TIAM1: variants seen among roughly 807,000 people sequenced by gnomAD.
TIAM1 encodes rho guanine nucleotide exchange factor TIAM1.
Under a neutral mutation model 163.5 loss-of-function variants are expected in TIAM1, and 65 were observed. The ratio of observed to expected loss-of-function variants is 0.40; its 90% CI spans 0.33 to 0.49. TIAM1 has a LOEUF of 0.49. TIAM1 is among the 20% of genes least tolerant of loss of function. The pLI is 0.77. For missense variants in TIAM1, 1,789 were observed against 2,044.7 expected (o/e 0.87, Z 2.41); for synonymous variants, 833 against 810.1 (o/e 1.03, Z -0.48).
chr21:31,220,642 A>C (rs2087505120), intron 8 of TIAM1, among the ~76,000 whole-genome samples: 1 of 152,232 alleles, frequency 6.6e-6, no homozygotes, highest in East Asian at 1.9e-4. Flanking sequence ...CACTTTACTT[A>C]AGTTTCTTAT....
At chr21:31,547,096 G>C (rs2048524647) in intron 1 of TIAM1, among the ~76,000 whole-genome samples, 1 of 152,182 alleles carries the variant, frequency 6.6e-6, no homozygotes, top group South Asian at 2.1e-4. Context: ...CACAGGCTGA[G>C]AAGACATGGA....
At chr21:31,325,912 T>G (rs1343274761) in intron 2 of TIAM1, among the ~76,000 whole-genome samples, 2 of 152,184 alleles carry the variant, frequency 1.3e-5, no homozygotes, top group African/African-American at 4.8e-5. Flanking sequence ...GTAGATATAC[T>G]ACACACTGGC....
chr21:31,317,798 C>A (rs1452893985), intron 2 of TIAM1, among the ~76,000 whole-genome samples: 1 of 152,144 alleles, frequency 6.6e-6, no homozygotes, highest in Admixed American at 6.5e-5. Context: ...CCCCAAAAAA[C>A]AAACAAACAA....
chr21:31,541,127 T>C (rs1295743164), intron 1 of TIAM1, among the ~76,000 whole-genome samples: 2 of 152,230 alleles, frequency 1.3e-5, no homozygotes, highest in African/African-American at 2.4e-5. Flanking sequence ...CTGAGAAAAG[T>C]ATGTTTAGAA....
chr21:31,259,862 G>A lies in TIAM1; in HGVS notation c.963+6148C>T, dbSNP rs1304337649. The stretch of plus-strand genomic sequence containing the variant: ...TAGGTATGAGACGCTAGTGTCTTCT[G>A]TTAAGCTAGAAATCATAGAGATCTG... On this transcript the variant is annotated intron_variant, in intron 4 of 27. Coordinates refer to ENST00000541036, the MANE Select transcript of TIAM1 (RefSeq NM_001353694.2). Among the ~76,000 whole-genome samples the A allele has an allele frequency of 1.3e-5, 2 of 151,898 alleles. 1 individual carries two copies. The highest frequency in any genetic ancestry group is 1.3e-4 in the Admixed American group (2 of 15,254).
intron 2 of TIAM1, among the ~76,000 whole-genome samples, chr21:31,328,241 A>G (rs1290645938): frequency 6.6e-6 from 1 of 152,196 alleles, no homozygotes; most frequent in East Asian, 1.9e-4. Context: ...TACATGTTGT[A>G]ACTACAGTCG....
At chr21:31,415,143 G>A (rs2043327573) in intron 2 of TIAM1, among the ~76,000 whole-genome samples, 1 of 152,132 alleles carries the variant, frequency 6.6e-6, no homozygotes, top group Admixed American at 6.5e-5. Flanking sequence ...GCTATAGAAT[G>A]TCTTCTTACC....
intron 2 of TIAM1, among the ~76,000 whole-genome samples, chr21:31,298,046 C>G (rs960196477): frequency 2.0e-5 from 3 of 152,134 alleles, no homozygotes; most frequent in Non-Finnish European, 2.9e-5. Flanking sequence ...TCACAGCCAC[C>G]TGGGTGGGGG....
At chr21:31,385,439 G>A (rs1316445741) in intron 2 of TIAM1, among the ~76,000 whole-genome samples, 1 of 152,040 alleles carries the variant, frequency 6.6e-6, no homozygotes, top group Admixed American at 6.6e-5. Context: ...AGAAGGGTGG[G>A]GTCAAGGGTC....
intron 6 of TIAM1, among the ~76,000 whole-genome samples, chr21:31,231,906 G>A (rs1188549003): frequency 6.6e-6 from 1 of 151,950 alleles, no homozygotes; most frequent in Middle Eastern, 3.2e-3. Context: ...CTAGCTACTC[G>A]GGAGGCTGAG....
intron 2 of TIAM1, among the ~76,000 whole-genome samples, chr21:31,434,607 A>C (rs2044149484): frequency 6.6e-6 from 1 of 152,270 alleles, no homozygotes; most frequent in Admixed American, 6.5e-5. Flanking sequence ...ACATGCTCTT[A>C]TAATGAATTT....
chr21:31,402,991 T>A (rs16988223), intron 2 of TIAM1, among the ~76,000 whole-genome samples: 9,344 of 152,038 alleles, frequency 0.061, 325 homozygotes, highest in Middle Eastern at 0.13. Context: ...TTCCTGTACG[T>A]CTCCAAGAAG....
At chr21:31,136,229 CAT>C (rs2082615986) in intron 22 of TIAM1, among the ~76,000 whole-genome samples, 188 bp from the exon 23 acceptor site, 1 of 152,168 alleles carries the variant, frequency 6.6e-6, no homozygotes, top group African/African-American at 2.4e-5. Context: ...CACAATGTAA[CAT>C]ATCAAAACAT....
At chr21:31,234,413 A>C (rs1285696097) in intron 6 of TIAM1, among the ~76,000 whole-genome samples, 1 of 151,778 alleles carries the variant, frequency 6.6e-6, no homozygotes, top group Non-Finnish European at 1.5e-5. Context: ...GGAAGGTGGG[A>C]GAGAAAGCTT....
At chr21:31,464,501 A>T (rs1179671536) in intron 1 of TIAM1, among the ~76,000 whole-genome samples, 1 of 152,176 alleles carries the variant, frequency 6.6e-6, no homozygotes, top group Non-Finnish European at 1.5e-5. Flanking sequence ...TGACCCCAGG[A>T]GTTCAAGACC....
intron 2 of TIAM1, among the ~76,000 whole-genome samples, chr21:31,402,222 A>T (rs957806016): frequency 3.9e-4 from 60 of 152,180 alleles, no homozygotes; most frequent in Non-Finnish European, 2.9e-5. Context: ...AAAAAAAACA[A>T]CAACAACAAA....
intron 4 of TIAM1, among the ~76,000 whole-genome samples, chr21:31,257,819 C>T (rs2072201495): frequency 6.6e-6 from 1 of 152,092 alleles, no homozygotes; most frequent in East Asian, 1.9e-4. Context: ...ACTCACGTCC[C>T]CCCTTTTACT....
chr21:31,124,613 G>C lies in TIAM1; in HGVS notation c.4215C>G (p.Thr1405=). 6.2e-7 allele frequency: 1 copy of C among 1,613,860 alleles called. No individual in the cohort carries two copies. Among genetic ancestry groups the C allele is most frequent in the Non-Finnish European group, 8.5e-7 (1 of 1,179,870 alleles). Residue 1405 remains threonine, a synonymous_variant, in exon 27 of 28, where the codon ACC becomes ACG. Transcript: ENST00000541036. Reference sequence around the variant, plus strand: ...ATTGCTGGGATGAGGGAAGGCTCTCGGTTTTGAGGAGCTGTCTTCTGTGCT... The same window carrying C: ...ATTGCTGGGATGAGGGAAGGCTCTCCGTTTTGAGGAGCTGTCTTCTGTGCT... ...RDKHRRQLLK[T]ESLPSSQQYV...
intron 1 of TIAM1, among the ~76,000 whole-genome samples, chr21:31,506,016 A>C (rs2047013922): frequency 6.6e-6 from 1 of 150,626 alleles, no homozygotes. Flanking sequence ...GCCTCAAAAA[A>C]AAAAAAAAAA....
Sources: allele counts gnomAD v4.1 joint callset (sites outside exome capture counted in the v4.1 genomes callset), GRCh38; gene constraint gnomAD v4.1.1; transcripts MANE v1.5; gene names NCBI Gene and HGNC (gene_info 2026-07-23, HGNC 2026-07-21).